Variants in ATP6V1C2 observed in about 807,000 individuals in gnomAD.
ATP6V1C2 encodes the protein ATPase H+ transporting V1 subunit C2.
ATP6V1C2 carries 45 observed loss-of-function variants against 56.8 expected under a neutral mutation model. That is an observed-to-expected ratio of 0.79 (90% confidence interval 0.62 to 1.02). The LOEUF (loss-of-function observed/expected upper bound fraction) is 1.02. ATP6V1C2 is among the 50% of genes least tolerant of loss of function. The pLI is 0.00. For synonymous variants in ATP6V1C2, 220 were observed against 201.3 expected (o/e 1.09, Z -0.79); for missense variants, 463 against 519.7 (o/e 0.89, Z 1.06).
chr2:10,781,570 T>C (rs531088902), intron 12 of ATP6V1C2, among the ~76,000 whole-genome samples: 98 of 152,144 alleles, frequency 6.4e-4, no homozygotes, highest in Non-Finnish European at 1.3e-3. Flanking sequence ...CACAGAGTAC[T>C]AGGTGAGTGG....
At chr2:10,782,146 G>A in intron 12 of ATP6V1C2, 97 bp from the exon 13 acceptor site, 1 of 1,439,764 alleles carries the variant, frequency 6.9e-7, no homozygotes, top group Non-Finnish European at 9.5e-7. Flanking sequence ...GTTGGTTGAA[G>A]CTTTTCACCC....
At chr2:10,771,216 A>T (rs1003999922) in intron 6 of ATP6V1C2, among the ~76,000 whole-genome samples, 1 of 152,184 alleles carries the variant, frequency 6.6e-6, no homozygotes, top group African/African-American at 2.4e-5. Context: ...CTGTGTGCCG[A>T]CGTCACGGCC....
chr2:10,772,993 C>T (rs1363570528), intron 8 of ATP6V1C2, among the ~76,000 whole-genome samples: 1 of 152,216 alleles, frequency 6.6e-6, no homozygotes, highest in South Asian at 2.1e-4. Context: ...CAGCGGGAGC[C>T]GGGAGGGAAA....
intron 3 of ATP6V1C2, among the ~76,000 whole-genome samples, chr2:10,746,485 C>T (rs1662923831): frequency 6.6e-6 from 1 of 150,886 alleles, no homozygotes; most frequent in African/African-American, 2.4e-5. Context: ...CAATCTCAGT[C>T]CACTGCAACC....
At chr2:10,774,736 C>T (rs1664847214) in intron 8 of ATP6V1C2, 52 bp from the exon 9 acceptor site, 2 of 1,545,348 alleles carry the variant, frequency 1.3e-6, no homozygotes, top group Non-Finnish European at 1.8e-6. Flanking sequence ...GAGCCCCACT[C>T]CCGCACAAGG....
At position 10,757,365 on chromosome 2, in the gene ATP6V1C2, C is replaced by T. The variant is rs543195997; in HGVS notation, c.283+3299C>T. ...TTGACATATGGAAATGTTCCTACCC[C>T]ACCTGTGATCTTGGCTTTGTATGTC... On this transcript the variant is annotated intron_variant, in intron 4 of 13. Transcript: ENST00000272238. 18 of 398,342 alleles carry T rather than the reference C, an allele frequency of 4.5e-5. No homozygotes were observed. The Admixed American group carries it at 6.2e-4, about 14-fold the overall frequency. The allele number at this position is 398,342 out of a possible 1,614,324, so 24.7% of individuals were successfully genotyped here. A position where few individuals can be genotyped will look rare whatever the true frequency, so the allele number is the denominator to read the frequency against.
intron 4 of ATP6V1C2, among the ~76,000 whole-genome samples, chr2:10,756,994 A>T (rs1663588446): frequency 6.8e-6 from 1 of 146,290 alleles, no homozygotes; most frequent in South Asian, 2.2e-4. Context: ...TCTTGAAAAC[A>T]TGAGGAGACT....
chr2:10,729,061 C>T lies in ATP6V1C2; in HGVS notation c.197+2492C>T, dbSNP rs904862698. Among the ~76,000 whole-genome samples the T allele has an allele frequency of 7.4e-5, 11 of 148,680 alleles. No individual in the cohort carries two copies. In the South Asian group the frequency reaches 8.6e-4, roughly 12 times the overall value. ...ACAAGAATTGCTTGAACCTGGCAGG[C>T]GGAGGTTGTAGTGAGCCAAGATCGT... On this transcript the variant is annotated intron_variant, in intron 3 of 13. Transcript: ENST00000272238.
chr2:10,773,393 C>CT (rs985988699), intron 8 of ATP6V1C2, among the ~76,000 whole-genome samples: 6 of 152,030 alleles, frequency 3.9e-5, no homozygotes, highest in African/African-American at 1.5e-4. Flanking sequence ...GCGCGTTTTC[C>CT]TTTTTTTGAG....
At chr2:10,746,073 G>A (rs1558398608) in intron 3 of ATP6V1C2, among the ~76,000 whole-genome samples, 2 of 152,030 alleles carry the variant, frequency 1.3e-5, no homozygotes, top group African/African-American at 4.8e-5. Context: ...TTGAGATGGA[G>A]TTTGTGACCT....
intron 1 of ATP6V1C2, 44 bp from the exon 2 acceptor site, chr2:10,722,780 T>C (rs1661436573): frequency 6.3e-7 from 1 of 1,584,414 alleles, no homozygotes; most frequent in Non-Finnish European, 8.6e-7. Context: ...GACACATCTC[T>C]CCTTCTGTTT....
intron 3 of ATP6V1C2, among the ~76,000 whole-genome samples, chr2:10,728,809 C>T (rs1224267565): frequency 3.4e-5 from 5 of 146,270 alleles, no homozygotes; most frequent in Admixed American, 2.8e-4. Flanking sequence ...ATGAGGATGT[C>T]GTGGAGTCTT....
intron 11 of ATP6V1C2, 71 bp from the exon 12 acceptor site, chr2:10,778,501 C>T (rs967904938): frequency 5.5e-6 from 8 of 1,467,548 alleles, no homozygotes; most frequent in South Asian, 1.1e-5. Flanking sequence ...CTGTCAAAAC[C>T]CAAGTCCTTT....
chr2:10,739,258 G>C (rs982899860), intron 3 of ATP6V1C2, among the ~76,000 whole-genome samples: 6 of 152,014 alleles, frequency 3.9e-5, no homozygotes, highest in Non-Finnish European at 8.8e-5. Context: ...ACTCCAGCCT[G>C]GGCAATAAGA....
At chr2:10,782,513 A>T in intron 13 of ATP6V1C2, 138 bp downstream of exon 13, 1 of 993,972 alleles carries the variant, frequency 1.0e-6, no homozygotes, top group Non-Finnish European at 1.4e-6. Context: ...CAGCCTAGCC[A>T]ACATGGTAAG....
Position 10,773,916 on chromosome 2 carries a change from G to A in ATP6V1C2, c.639-872G>A, listed in dbSNP as rs534315610. 3.3e-5 allele frequency among the ~76,000 whole-genome samples: 5 copies of A among 152,324 alleles called. No homozygotes were observed. The South Asian group carries it at 6.2e-4, about 19-fold the overall frequency. On this transcript the variant is annotated intron_variant, in intron 8 of 13. Coordinates refer to ENST00000272238, the MANE Select transcript of ATP6V1C2 (RefSeq NM_001039362.2). ...GCAAGGAACAGGACAATCACAGCCC[G>A]AGGTTACAGGGGAGGCAGGGAAGAG...
At chr2:10,727,389 GAAA>G (rs34111959) in intron 3 of ATP6V1C2, among the ~76,000 whole-genome samples, 83 of 116,584 alleles carry the variant, frequency 7.1e-4, no homozygotes, top group African/African-American at 2.3e-3. Context: ...TTGTTTCTAA[GAAA>G]AAAAAAAAAA....
chr2:10,778,673 C>T lies in ATP6V1C2; in HGVS notation c.1061+4C>T, dbSNP rs199523459. On this transcript the variant is annotated splice_donor_region_variant and intron_variant, in intron 12 of 13. Coordinates refer to ENST00000272238, the MANE Select transcript of ATP6V1C2 (RefSeq NM_001039362.2). Reference sequence around the variant, plus strand: ...TGTTTGTGGAGTCCGTGCTCAGGTGCGTGGCAGTGATGCCCCGGCTGGGAC... The same window carrying T: ...TGTTTGTGGAGTCCGTGCTCAGGTGTGTGGCAGTGATGCCCCGGCTGGGAC... 1.9e-3 allele frequency: 3,128 copies of T among 1,613,976 alleles called. 11 individuals are homozygous for T. Among genetic ancestry groups the T allele is most frequent in the Non-Finnish European group, 2.1e-3 (2,445 of 1,179,846 alleles).
intron 3 of ATP6V1C2, among the ~76,000 whole-genome samples, chr2:10,749,917 G>A (rs1487410126): frequency 2.0e-5 from 3 of 152,160 alleles, no homozygotes; most frequent in Non-Finnish European, 2.9e-5. Context: ...ATACAGTACA[G>A]TAAATGAAAG....
Sources: allele counts gnomAD v4.1 joint callset (sites outside exome capture counted in the v4.1 genomes callset), GRCh38; gene constraint gnomAD v4.1.1; transcripts MANE v1.5; gene names NCBI Gene and HGNC (gene_info 2026-07-23, HGNC 2026-07-21).